SLC2A5: variants seen among roughly 807,000 people sequenced by gnomAD.
SLC2A5 encodes the protein solute carrier family 2 member 5, also known as solute carrier family 2, facilitated glucose transporter member 5.
Under a neutral mutation model 50.3 loss-of-function variants are expected in SLC2A5, and 56 were observed. That is an observed-to-expected ratio of 1.11 (90% CI 0.90 to 1.39). The LOEUF (loss-of-function observed/expected upper bound fraction) is 1.39. Among genes scored for constraint, SLC2A5 ranks in the 40% most tolerant of loss-of-function variants. The pLI, the probability that SLC2A5 is intolerant of heterozygous loss-of-function variation, is 0.00. For missense variants in SLC2A5, 566 were observed against 650.1 expected, an observed-to-expected ratio of 0.87 and a Z score of 1.41; for synonymous variants, 269 against 281.9, an observed-to-expected ratio of 0.95 and a Z score of 0.46.
intron 1 of SLC2A5, among the ~76,000 whole-genome samples, 193 bp from the exon 2 acceptor site, chr1:9,058,443 G>T (rs905605592): frequency 6.6e-6 from 1 of 152,214 alleles, no homozygotes; most frequent in African/African-American, 2.4e-5. Context: ...GACACTTGGG[G>T]TCTGATAATT....
At chr1:9,092,394 C>G (rs1349640628), upstream of SLC2A5, among the ~76,000 whole-genome samples, 1 of 152,100 alleles carries the variant, frequency 6.6e-6, no homozygotes, top group African/African-American at 2.4e-5. Flanking sequence ...TAGCCATTTC[C>G]CTCTACACCA....
chr1:9,090,294 T>C (rs1642449481), upstream of SLC2A5, among the ~76,000 whole-genome samples: 1 of 152,168 alleles, frequency 6.6e-6, no homozygotes, highest in Admixed American at 6.5e-5. Flanking sequence ...AACCCCATAG[T>C]ATGGAACACT....
chr1:9,060,085 C>CTA (rs1641878268), intron 1 of SLC2A5, among the ~76,000 whole-genome samples: 1 of 126,686 alleles, frequency 7.9e-6, no homozygotes, highest in Non-Finnish European at 1.6e-5. Flanking sequence ...CACACACACA[C>CTA]TACACACACA....
intron 3 of SLC2A5, among the ~76,000 whole-genome samples, chr1:9,051,782 TGGTATTTACCCAAA>T (rs1641584146): frequency 6.6e-6 from 1 of 152,190 alleles, no homozygotes; most frequent in Non-Finnish European, 1.5e-5. Flanking sequence ...ACATACTCCT[TGGTATTTACCCAAA>T]GGAGCTGAAA....
chr1:9,044,958 C>T (rs1165937385), intron 4 of SLC2A5, among the ~76,000 whole-genome samples: 1 of 152,154 alleles, frequency 6.6e-6, no homozygotes, highest in Non-Finnish European at 1.5e-5. Flanking sequence ...ATGGATTATG[C>T]CCCTAATGGC....
chr1:9,057,653 T>G, intron 2 of SLC2A5, 45 bp from the exon 3 acceptor site: 1 of 1,578,118 alleles, frequency 6.3e-7, no homozygotes, highest in East Asian at 2.3e-5. Context: ...TTTGATCCGG[T>G]TTTGCAAGAA....
intron 1 of SLC2A5, among the ~76,000 whole-genome samples, chr1:9,066,286 A>G (rs1369279417): frequency 6.6e-6 from 1 of 151,974 alleles, no homozygotes; most frequent in Non-Finnish European, 1.5e-5. Context: ...CGCAGGCTGG[A>G]GCGCAGTGGC....
At chr1:9,067,836 T>C (rs879856958) in intron 1 of SLC2A5, among the ~76,000 whole-genome samples, 12 of 152,072 alleles carry the variant, frequency 7.9e-5, no homozygotes, top group Non-Finnish European at 1.8e-4. Context: ...CGTTAGCCAG[T>C]GCCAAATGGA....
intron 2 of SLC2A5, among the ~76,000 whole-genome samples, chr1:9,081,440 C>G (rs1251445675): frequency 1.4e-5 from 2 of 142,992 alleles, no homozygotes; most frequent in African/African-American, 5.2e-5. Context: ...CAAGTCCAGC[C>G]TGGGCAATGG....
intron 1 of SLC2A5, 66 bp from the exon 2 acceptor site, chr1:9,058,316 G>C: frequency 9.3e-7 from 1 of 1,078,528 alleles, no homozygotes; most frequent in Non-Finnish European, 1.4e-6. Context: ...GCTTTACTTC[G>C]GTTTCGTAGA....
intron 3 of SLC2A5, among the ~76,000 whole-genome samples, chr1:9,055,026 G>A (rs946912634): frequency 6.6e-6 from 1 of 152,122 alleles, no homozygotes; most frequent in Admixed American, 6.5e-5. Context: ...CATAAAAAAG[G>A]TACTATATGT....
intron 2 of SLC2A5, among the ~76,000 whole-genome samples, chr1:9,083,915 C>G (rs989685737): frequency 6.6e-6 from 1 of 152,028 alleles, no homozygotes; most frequent in African/African-American, 2.4e-5. Flanking sequence ...GAGGCCGAGG[C>G]GGGCGGATCA....
upstream of SLC2A5, among the ~76,000 whole-genome samples, chr1:9,090,853 T>A (rs1193962396): frequency 6.6e-6 from 1 of 152,248 alleles, no homozygotes; most frequent in Non-Finnish European, 1.5e-5. Flanking sequence ...TGCTTCAATA[T>A]GTGGACAATT....
At chr1:9,045,795 G>A (rs1197698771) in intron 4 of SLC2A5, among the ~76,000 whole-genome samples, 1 of 151,080 alleles carries the variant, frequency 6.6e-6, no homozygotes, top group African/African-American at 2.4e-5. Context: ...AGTTGAACCC[G>A]GGAGGCAGAG....
upstream of SLC2A5, among the ~76,000 whole-genome samples, chr1:9,070,836 C>CTGTG (rs111643348): frequency 6.7e-6 from 1 of 150,050 alleles, no homozygotes; most frequent in African/African-American, 2.4e-5. Flanking sequence ...GCGTGGCCGT[C>CTGTG]TGTGTGTGTG....
chr1:9,043,007 T>A (rs756492750), intron 4 of SLC2A5, among the ~76,000 whole-genome samples: 45 of 152,180 alleles, frequency 3.0e-4, no homozygotes, highest in Admixed American at 2.0e-3. Flanking sequence ...TGTTGCCTGA[T>A]GTCAATTAAA....
At chr1:9,054,943 G>A (rs1337525498) in intron 3 of SLC2A5, among the ~76,000 whole-genome samples, 5 of 152,084 alleles carry the variant, frequency 3.3e-5, no homozygotes, top group Non-Finnish European at 7.4e-5. Context: ...TATTTATAGT[G>A]TTTGCTTTGT....
At chr1:9,056,317 G>A (rs967986927) in intron 3 of SLC2A5, among the ~76,000 whole-genome samples, 1 of 152,012 alleles carries the variant, frequency 6.6e-6, no homozygotes, top group Admixed American at 6.6e-5. Context: ...TCCCGAGTAG[G>A]GGGGTTACAG....
intron 1 of SLC2A5, among the ~76,000 whole-genome samples, chr1:9,066,984 A>T (rs761750403): frequency 4.2e-5 from 5 of 119,234 alleles, no homozygotes; most frequent in Non-Finnish European, 8.7e-5. Flanking sequence ...TCTCAAAATT[A>T]AAAAAAAAAA....
Sources: gnomAD v4.1 joint callset for allele counts (sites outside exome capture counted in the v4.1 genomes callset) on GRCh38, gnomAD v4.1.1 for gene constraint, MANE v1.5 for transcripts, NCBI Gene and HGNC (gene_info 2026-07-23, HGNC 2026-07-21) for gene names.